DCT: variants seen among roughly 807,000 people sequenced by gnomAD.
DCT encodes the protein dopachrome tautomerase.
DCT carries 47 observed loss-of-function variants against 53.0 expected under a neutral mutation model. That is an observed-to-expected ratio of 0.89 (90% CI 0.70 to 1.13). The LOEUF is 1.13. Among genes scored for constraint, DCT ranks in the 50% most tolerant of loss-of-function variants. The probability of loss-of-function intolerance (pLI) is 0.00; values close to 1 mark genes in which losing one functional copy is unlikely to be tolerated. For missense variants in DCT, 669 were observed against 637.4 expected, an observed-to-expected ratio of 1.05 and a Z score of -0.53; for synonymous variants, 244 against 237.0, an observed-to-expected ratio of 1.03 and a Z score of -0.27.
chr13:94,510,984 A>T, the DCT span, among the ~76,000 whole-genome samples: 2 of 152,176 alleles, frequency 1.3e-5, no homozygotes, highest in African/African-American at 4.8e-5. Flanking sequence ...ATTGCTCTTC[A>T]TCCCCACTGT....
chr13:94,535,567 A>G, the DCT span, among the ~76,000 whole-genome samples: 1 of 152,224 alleles, frequency 6.6e-6, no homozygotes, highest in African/African-American at 2.4e-5. Context: ...GCACCCCTGT[A>G]AGCATTAATG....
intron 2 of DCT, 65 bp downstream of exon 2, chr13:94,468,681 C>G (rs1351012049): frequency 3.4e-5 from 47 of 1,401,402 alleles, no homozygotes; most frequent in Non-Finnish European, 4.2e-5. Flanking sequence ...TTACTTCCCA[C>G]TGCCATACCC....
At chr13:94,481,681 A>G (rs1044665659), upstream of DCT, among the ~76,000 whole-genome samples, 1 of 152,154 alleles carries the variant, frequency 6.6e-6, no homozygotes, top group African/African-American at 2.4e-5. Flanking sequence ...CCAAAATTAC[A>G]ACTCTGACTT....
At chr13:94,498,294 A>G in the DCT span, among the ~76,000 whole-genome samples, 1 of 152,272 alleles carries the variant, frequency 6.6e-6, no homozygotes, top group South Asian at 2.1e-4. Context: ...AAATTGTCAA[A>G]GAAGTGAACA....
At chr13:94,506,525 T>C in the DCT span, among the ~76,000 whole-genome samples, 1 of 152,168 alleles carries the variant, frequency 6.6e-6, no homozygotes, top group Admixed American at 6.5e-5. Context: ...TATGAGTTCA[T>C]ACTTATATAA....
the DCT span, among the ~76,000 whole-genome samples, chr13:94,485,045 G>T: frequency 7.3e-6 from 1 of 136,794 alleles, no homozygotes; most frequent in South Asian, 2.4e-4. Context: ...ATTCATTGAT[G>T]AAAATGACCG....
the DCT span, among the ~76,000 whole-genome samples, chr13:94,499,663 C>A: frequency 6.6e-6 from 1 of 152,096 alleles, no homozygotes; most frequent in Non-Finnish European, 1.5e-5. Flanking sequence ...GCCTAGACAC[C>A]ATTTCAGTTT....
the DCT span, among the ~76,000 whole-genome samples, chr13:94,488,932 G>A: frequency 6.6e-6 from 1 of 151,944 alleles, no homozygotes; most frequent in Admixed American, 6.6e-5. Context: ...ATATAGCTAT[G>A]AACTCACTAT....
intron 6 of DCT, among the ~76,000 whole-genome samples, chr13:94,456,198 C>T (rs1883403862): frequency 6.6e-6 from 1 of 152,164 alleles, no homozygotes; most frequent in Admixed American, 6.6e-5. Context: ...TCATTTATTG[C>T]TACTATGCAA....
At position 94,466,607 on chromosome 13, in the gene DCT, A is replaced by G. The variant is rs747429176; in HGVS notation, c.647T>C (p.Phe216Ser). 4 of 1,612,510 alleles carry G rather than the reference A, an allele frequency of 2.5e-6. No homozygotes were observed. Among genetic ancestry groups the G allele is most frequent in the Non-Finnish European group, 3.4e-6 (4 of 1,179,172 alleles). The change falls in exon 3 of 8, where the codon TTT becomes TCT. Residue 216 changes from phenylalanine to serine, a missense_variant. Coordinates refer to ENST00000377028, the MANE Select transcript of DCT (RefSeq NM_001922.5). The stretch of plus-strand genomic sequence containing the variant: ...CAAATGGTACCGGTGCCAGGTAACA[A>G]ATGCAGGTCCTTGATGTGAGAAATC... ...AIDFSHQGPA[F>S]VTWHRYHLLC...
chr13:94,526,314 A>G, the DCT span, among the ~76,000 whole-genome samples: 1 of 152,246 alleles, frequency 6.6e-6, no homozygotes, highest in African/African-American at 2.4e-5. Context: ...ACCAGATTAA[A>G]GACATTAAAA....
chr13:94,514,154 C>T, the DCT span, among the ~76,000 whole-genome samples: 2 of 152,142 alleles, frequency 1.3e-5, no homozygotes, highest in African/African-American at 4.8e-5. Context: ...ACACTTAGCT[C>T]TAAGACCTAG....
the DCT span, among the ~76,000 whole-genome samples, chr13:94,494,434 G>A: frequency 3.9e-5 from 6 of 152,232 alleles, no homozygotes; most frequent in African/African-American, 1.2e-4. Context: ...TATCTTCAGG[G>A]ATTTCCCAGG....
At chr13:94,440,295 A>G (rs553378000) in intron 7 of DCT, among the ~76,000 whole-genome samples, 5 of 152,338 alleles carry the variant, frequency 3.3e-5, no homozygotes, top group Admixed American at 3.3e-4. Flanking sequence ...ACTTAAATAC[A>G]GCTTATTGCA....
At chr13:94,480,490 A>G (rs1052928997), upstream of DCT, among the ~76,000 whole-genome samples, 1 of 152,192 alleles carries the variant, frequency 6.6e-6, no homozygotes, top group African/African-American at 2.4e-5. Context: ...AAGGATGCGA[A>G]ACGGCTTCAG....
At chr13:94,509,886 C>G in the DCT span, among the ~76,000 whole-genome samples, 4 of 152,136 alleles carry the variant, frequency 2.6e-5, no homozygotes, top group African/African-American at 9.7e-5. Context: ...GTGCCCAGCA[C>G]TCAATAGCAA....
chr13:94,521,850 T>C, the DCT span, among the ~76,000 whole-genome samples: 1 of 152,222 alleles, frequency 6.6e-6, no homozygotes, highest in Non-Finnish European at 1.5e-5. Context: ...GCCACAATTT[T>C]AGAACATTTG....
chr13:94,453,065 A>G (rs746535724), intron 6 of DCT, among the ~76,000 whole-genome samples: 29 of 152,162 alleles, frequency 1.9e-4, no homozygotes, highest in Non-Finnish European at 3.1e-4. Context: ...CTAAAAATTA[A>G]ATAAATTAAG....
intron 6 of DCT, among the ~76,000 whole-genome samples, chr13:94,450,820 C>T (rs1015950109): frequency 1.3e-5 from 2 of 152,174 alleles, no homozygotes; most frequent in African/African-American, 4.8e-5. Flanking sequence ...TCAGGCCATT[C>T]TTGACTAAAC....
Sources: gnomAD v4.1 joint callset for allele counts (sites outside exome capture counted in the v4.1 genomes callset) on GRCh38, gnomAD v4.1.1 for gene constraint, MANE v1.5 for transcripts, NCBI Gene and HGNC (gene_info 2026-07-23, HGNC 2026-07-21) for gene names.